Variants in NMNAT2 observed in about 807,000 individuals in gnomAD.
NMNAT2 encodes nicotinamide/nicotinic acid mononucleotide adenylyltransferase 2.
NMNAT2 carries 11 observed loss-of-function variants against 41.6 expected under a neutral mutation model. The ratio of observed to expected loss-of-function variants is 0.26; its 90% CI spans 0.17 to 0.44. NMNAT2 has a LOEUF of 0.44. Among genes scored for constraint, NMNAT2 ranks in the 20% least tolerant of loss-of-function variants. The pLI is 1.00. For synonymous variants in NMNAT2, 148 were observed against 151.2 expected (o/e 0.98, Z 0.16); for missense variants, 288 against 407.7 (o/e 0.71, Z 2.53).
chr1:183,417,868 C>T (rs1319454300), intron 1 of NMNAT2, among the ~76,000 whole-genome samples: 2 of 152,166 alleles, frequency 1.3e-5, no homozygotes, highest in African/African-American at 4.8e-5. Context: ...GCCGAACCAC[C>T]GCACCGCCAC....
chr1:183,321,658 C>T (rs1662358044), intron 1 of NMNAT2, among the ~76,000 whole-genome samples: 2 of 151,866 alleles, frequency 1.3e-5, no homozygotes, highest in South Asian at 4.1e-4. Flanking sequence ...AGGAGAATAG[C>T]TTGAACCTGG....
At chr1:183,327,307 C>T (rs1469397777) in intron 1 of NMNAT2, among the ~76,000 whole-genome samples, 7 of 152,142 alleles carry the variant, frequency 4.6e-5, no homozygotes, top group Admixed American at 2.6e-4. Flanking sequence ...CCGCCTGCCT[C>T]GGCCTTCCAA....
intron 3 of NMNAT2, among the ~76,000 whole-genome samples, chr1:183,290,412 T>G (rs547660539): frequency 1.3e-5 from 2 of 152,284 alleles, no homozygotes; most frequent in Admixed American, 6.5e-5. Flanking sequence ...TGGCATAGGC[T>G]TATGAGAAGA....
intron 7 of NMNAT2, among the ~76,000 whole-genome samples, chr1:183,279,634 C>T (rs564274375): frequency 1.3e-5 from 2 of 152,252 alleles, no homozygotes; most frequent in South Asian, 2.1e-4. Context: ...TGGGACCTGA[C>T]GAAGGCTTTC....
At position 183,252,614 on chromosome 1, in the gene NMNAT2, A is replaced by G; in HGVS notation, c.*27T>C. 2.7e-6 allele frequency: 4 copies of G among 1,484,320 alleles called. No individual in the cohort carries two copies. Among genetic ancestry groups the G allele is most frequent in the East Asian group, 2.3e-5 (1 of 44,284 alleles). 91.9% of individuals were successfully genotyped at this position (1,484,320 alleles called of 1,614,324 possible). On this transcript the variant is annotated 3_prime_UTR_variant, in exon 11 of 11. Coordinates refer to ENST00000287713, the MANE Select transcript of NMNAT2 (RefSeq NM_015039.4). ...GGGGGCTGACAAAGATGGAGGGGCC[A>G]TTGTGTTGCCGGAGGACGAGGGGCT...
At chr1:183,358,744 G>A (rs1221428219) in intron 1 of NMNAT2, among the ~76,000 whole-genome samples, 1 of 152,124 alleles carries the variant, frequency 6.6e-6, no homozygotes, top group Non-Finnish European at 1.5e-5. Flanking sequence ...GATGTTTCTA[G>A]AATCTCCCAG....
intron 1 of NMNAT2, among the ~76,000 whole-genome samples, chr1:183,400,190 A>C (rs1648769768): frequency 6.6e-6 from 1 of 152,250 alleles, no homozygotes; most frequent in Admixed American, 6.5e-5. Flanking sequence ...AAATCTCCTT[A>C]AGCTGATAAG....
intron 1 of NMNAT2, among the ~76,000 whole-genome samples, chr1:183,352,585 AAG>A (rs1365896238): frequency 2.7e-5 from 4 of 149,418 alleles, no homozygotes; most frequent in Non-Finnish European, 5.9e-5. Context: ...AAAAAAAAAA[AAG>A]AGATTTGTGA....
intron 1 of NMNAT2, among the ~76,000 whole-genome samples, chr1:183,333,986 G>T (rs560792185): frequency 3.9e-5 from 6 of 152,338 alleles, no homozygotes; most frequent in African/African-American, 1.4e-4. Context: ...ATTGTTCCCA[G>T]TTAAGTAAGA....
At chr1:183,380,957 T>C (rs927147031) in intron 1 of NMNAT2, among the ~76,000 whole-genome samples, 1 of 152,028 alleles carries the variant, frequency 6.6e-6, no homozygotes, top group African/African-American at 2.4e-5. Context: ...TTTAGAAAGG[T>C]CGATCTAGAG....
intron 1 of NMNAT2, among the ~76,000 whole-genome samples, chr1:183,382,166 T>A (rs1406959688): frequency 6.6e-6 from 1 of 152,186 alleles, no homozygotes; most frequent in Non-Finnish European, 1.5e-5. Flanking sequence ...AGCAGGCTCA[T>A]CTTACATGGC....
intron 1 of NMNAT2, among the ~76,000 whole-genome samples, chr1:183,363,225 G>T (rs1034899678): frequency 6.6e-6 from 1 of 152,174 alleles, no homozygotes; most frequent in African/African-American, 2.4e-5. Context: ...TACTTGACCT[G>T]TATTTCATTC....
At chr1:183,417,165 G>A (rs940532936) in intron 1 of NMNAT2, among the ~76,000 whole-genome samples, 3 of 152,094 alleles carry the variant, frequency 2.0e-5, no homozygotes, top group Admixed American at 6.6e-5. Flanking sequence ...GAGCAGCTGC[G>A]AAGCCGCGTG....
rs11454305 is a variant in NMNAT2, at chr1:183,315,778, T to TAAA, written c.86-21988_86-21986dup. On this transcript the variant is annotated intron_variant, in intron 1 of 10. Transcript: ENST00000287713. Reference sequence around the variant, plus strand: ...CCTGGGCAACAAAGCAGACTCCGTGTAAAAAAAAAAAAAAAAAGCAAAGAA... The same window carrying TAAA: ...CCTGGGCAACAAAGCAGACTCCGTGTAAAAAAAAAAAAAAAAAAAAGCAAAGAA... 4.0e-3 allele frequency among the ~76,000 whole-genome samples: 508 copies of TAAA among 125,876 alleles called. 4 individuals carry two copies. The highest frequency in any genetic ancestry group is 0.024 in the East Asian group (109 of 4,494). The allele number at this position is 125,876 out of a possible 152,430, so 82.6% of individuals were successfully genotyped here.
At chr1:183,393,240 T>C (rs1350637803) in intron 1 of NMNAT2, among the ~76,000 whole-genome samples, 1 of 152,248 alleles carries the variant, frequency 6.6e-6, no homozygotes. Context: ...TATCATAGTT[T>C]TCCAGCTTAC....
intron 1 of NMNAT2, among the ~76,000 whole-genome samples, chr1:183,341,730 A>AAAAAAAC (rs1662813717): frequency 7.7e-6 from 1 of 130,656 alleles, no homozygotes; most frequent in African/African-American, 3.2e-5. Context: ...AACACCAAAA[A>AAAAAAAC]AAAAAAAAAA....
intron 4 of NMNAT2, among the ~76,000 whole-genome samples, chr1:183,287,420 G>A (rs1378623330): frequency 2.0e-5 from 3 of 152,204 alleles, no homozygotes; most frequent in Admixed American, 1.3e-4. Context: ...TTGTGCTGCG[G>A]GAAGCAGGGT....
At chr1:183,372,275 T>C (rs1663565072) in intron 1 of NMNAT2, among the ~76,000 whole-genome samples, 1 of 151,684 alleles carries the variant, frequency 6.6e-6, no homozygotes, top group African/African-American at 2.4e-5. Flanking sequence ...AGGCTATCCA[T>C]CAAACCAGAA....
intron 3 of NMNAT2, among the ~76,000 whole-genome samples, chr1:183,291,392 G>A (rs1215249322): frequency 1.3e-5 from 2 of 152,126 alleles, no homozygotes; most frequent in African/African-American, 2.4e-5. Context: ...CCCTAGCCAG[G>A]CCCTGTGCCC....
Sources: gnomAD v4.1 joint callset for allele counts (sites outside exome capture counted in the v4.1 genomes callset) on GRCh38, gnomAD v4.1.1 for gene constraint, MANE v1.5 for transcripts, NCBI Gene and HGNC (gene_info 2026-07-23, HGNC 2026-07-21) for gene names.